The following TIAM2 variants were observed in gnomAD, a reference collection of about 807,000 sequenced individuals.
TIAM2 encodes rho guanine nucleotide exchange factor TIAM2.
In TIAM2, 80 loss-of-function variants were observed where a neutral mutation model predicts 152.9. The ratio of observed to expected loss-of-function variants is 0.52; its 90% CI spans 0.44 to 0.63. The LOEUF is 0.63. Among genes scored for constraint, TIAM2 ranks in the 30% least tolerant of loss-of-function variants. TIAM2 has a pLI of 0.00. For synonymous variants in TIAM2, 804 were observed against 838.0 expected (o/e 0.96, Z 0.70); for missense variants, 1,965 against 2,120.1 (o/e 0.93, Z 1.44).
chr6:155,171,294 G>A (rs1780581487), intron 9 of TIAM2, among the ~76,000 whole-genome samples: 2 of 152,182 alleles, frequency 1.3e-5, no homozygotes, highest in Admixed American at 1.3e-4. Flanking sequence ...TGCCAAAAAT[G>A]AAAGCTTTTC....
intron 1 of TIAM2, among the ~76,000 whole-genome samples, chr6:155,067,938 G>A (rs759755450): frequency 6.6e-6 from 1 of 152,106 alleles, no homozygotes; most frequent in Non-Finnish European, 1.5e-5. Flanking sequence ...GACCAAGCCC[G>A]ACTTTTTCCT....
chr6:155,124,017 C>T (rs959766666), intron 2 of TIAM2, among the ~76,000 whole-genome samples: 1 of 152,106 alleles, frequency 6.6e-6, no homozygotes, highest in Non-Finnish European at 1.5e-5. Flanking sequence ...TTATTATCAT[C>T]ATCATTTTTG....
At chr6:155,110,332 T>TTTTTTTTTG (rs1244132833) in intron 2 of TIAM2, among the ~76,000 whole-genome samples, 13 of 137,446 alleles carry the variant, frequency 9.5e-5, no homozygotes, top group Admixed American at 4.6e-4. Context: ...TTTTTTTTGT[T>TTTTTTTTTG]GTTCTTTCTT....
intron 7 of TIAM2, among the ~76,000 whole-genome samples, chr6:155,148,814 T>G (rs1779879618): frequency 1.3e-5 from 2 of 152,224 alleles, no homozygotes; most frequent in African/African-American, 2.4e-5. Context: ...ACGAAATGCT[T>G]TCTTTTCTCT....
chr6:155,153,379 G>A (rs1482391531), intron 7 of TIAM2, among the ~76,000 whole-genome samples: 1 of 152,176 alleles, frequency 6.6e-6, no homozygotes, highest in African/African-American at 2.4e-5. Context: ...GGCTGAGGCT[G>A]GAGGTTCATT....
chr6:155,062,849 A>G (rs549688819), intron 1 of TIAM2, among the ~76,000 whole-genome samples: 6 of 152,266 alleles, frequency 3.9e-5, no homozygotes, highest in African/African-American at 1.2e-4. Flanking sequence ...TGCTGGGATT[A>G]CAGGCGTGAG....
At chr6:155,181,114 G>C (rs1303899733) in intron 12 of TIAM2, among the ~76,000 whole-genome samples, 1 of 152,162 alleles carries the variant, frequency 6.6e-6, no homozygotes, top group African/African-American at 2.4e-5. Context: ...GCCAGGCTCT[G>C]CTGGGGTCAC....
intron 1 of TIAM2, among the ~76,000 whole-genome samples, chr6:155,043,336 A>G (rs1415429624): frequency 2.0e-5 from 3 of 152,086 alleles, no homozygotes; most frequent in Non-Finnish European, 4.4e-5. Context: ...CAGTTAATCA[A>G]TCTCTAGAGG....
intron 15 of TIAM2, among the ~76,000 whole-genome samples, chr6:155,221,140 C>CCA (rs1562358985): frequency 6.9e-5 from 5 of 72,268 alleles, no homozygotes; most frequent in Non-Finnish European, 1.5e-4. Flanking sequence ...AAAAAAAAAA[C>CCA]AAAAAAAAAC....
chr6:155,251,528 C>A (rs1295664934), intron 22 of TIAM2, among the ~76,000 whole-genome samples: 1 of 152,116 alleles, frequency 6.6e-6, no homozygotes, highest in East Asian at 1.9e-4. Flanking sequence ...CTCAGGTGAT[C>A]CACCTGCCTC....
chr6:155,183,899 A>G lies in TIAM2; in HGVS notation c.3064+399A>G, dbSNP rs965952076. On this transcript the variant is annotated intron_variant, in intron 14 of 26. Coordinates refer to ENST00000682666, the MANE Select transcript of TIAM2 (RefSeq NM_012454.4). ...TTTTGCAGTCTTCTGTTGGGCTCTTAGAACAGCCCGTGCATTTCAGTTCAG... is the reference window on the plus strand; with the variant it reads ...TTTTGCAGTCTTCTGTTGGGCTCTTGGAACAGCCCGTGCATTTCAGTTCAG... 6.6e-5 allele frequency among the ~76,000 whole-genome samples: 10 copies of G among 152,214 alleles called. No individual in the cohort carries two copies. In the South Asian group the frequency reaches 1.0e-3, roughly 16 times the overall value.
intron 1 of TIAM2, among the ~76,000 whole-genome samples, chr6:155,047,688 G>GAGAGAGGAGA (rs71023609): frequency 3.4e-4 from 15 of 44,714 alleles, no homozygotes; most frequent in South Asian, 5.8e-4. Context: ...GAGAGAGAGA[G>GAGAGAGGAGA]GAGAGAGAGA....
At chr6:155,160,185 G>A (rs116183443) in intron 7 of TIAM2, among the ~76,000 whole-genome samples, 1,557 of 152,270 alleles carry the variant, frequency 0.01, 27 homozygotes, top group African/African-American at 0.035. Flanking sequence ...GACAGCTGAT[G>A]GTGTAGTTCT....
rs1210380570 is a variant in TIAM2 at position 155,029,443 on chromosome 6, CT to C, written c.-209+33952del. On this transcript the variant is annotated intron_variant, in intron 1 of 26. Coordinates refer to ENST00000682666, the MANE Select transcript of TIAM2 (RefSeq NM_012454.4). ...TATATATACTATAGTATATATTATA[CT>C]ATAGTATATATTATATATAATATAT... Among the ~76,000 whole-genome samples the C allele has an allele frequency of 3.0e-4, 2 of 6,642 alleles. 1 individual carries two copies. Among genetic ancestry groups the C allele is most frequent in the African/African-American group, 8.0e-4 (2 of 2,508 alleles). The allele number at this position is 6,642 out of a possible 152,430, so 4.4% of individuals were successfully genotyped here. A position where few individuals can be genotyped will look rare whatever the true frequency, so the allele number is the denominator to read the frequency against.
intron 3 of TIAM2, among the ~76,000 whole-genome samples, chr6:155,128,489 T>C (rs1779351575): frequency 6.6e-6 from 1 of 152,116 alleles, no homozygotes; most frequent in Admixed American, 6.6e-5. Flanking sequence ...ATAATGAAAA[T>C]GTATCTCTCT....
chr6:155,191,599 C>T (rs1216371288), intron 14 of TIAM2, among the ~76,000 whole-genome samples: 3 of 152,160 alleles, frequency 2.0e-5, no homozygotes, highest in African/African-American at 4.8e-5. Context: ...CAAGACCAGC[C>T]TGTGCAACAT....
intron 14 of TIAM2, among the ~76,000 whole-genome samples, chr6:155,203,476 G>A (rs549069103): frequency 4.5e-4 from 69 of 152,294 alleles, no homozygotes; most frequent in African/African-American, 1.7e-3. Flanking sequence ...TTCAAATAAA[G>A]TACGTTATTT....
intron 1 of TIAM2, among the ~76,000 whole-genome samples, chr6:155,050,427 A>G (rs760432104): frequency 1.3e-5 from 2 of 152,226 alleles, no homozygotes; most frequent in African/African-American, 2.4e-5. Context: ...GTAGGTGTCA[A>G]ACCACATCCT....
chr6:155,253,815 CTG>C (rs551468083), intron 24 of TIAM2, 156 bp from the exon 25 acceptor site: 23 of 569,304 alleles, frequency 4.0e-5, no homozygotes, highest in Non-Finnish European at 6.7e-5. Context: ...GTTCTTGTAA[CTG>C]TGAAAATCAT....
Sources: gnomAD v4.1 joint callset for allele counts (sites outside exome capture counted in the v4.1 genomes callset) on GRCh38, gnomAD v4.1.1 for gene constraint, MANE v1.5 for transcripts, NCBI Gene and HGNC (gene_info 2026-07-23, HGNC 2026-07-21) for gene names.